CLVS2: variants seen among roughly 807,000 people sequenced by gnomAD.
CLVS2 encodes clavesin-2.
In CLVS2, 19 loss-of-function variants were observed where a neutral mutation model predicts 29.0. That is an observed-to-expected ratio of 0.66 (90% CI 0.46 to 0.96). The LOEUF is 0.96. Ranked by LOEUF, CLVS2 falls within the 40% of genes least tolerant of loss-of-function variation. The pLI, the probability that CLVS2 is intolerant of heterozygous loss-of-function variation, is 0.00. For missense variants in CLVS2, 294 were observed against 404.1 expected (o/e 0.73, Z 2.34); for synonymous variants, 161 against 151.3 (o/e 1.06, Z -0.47).
At position 123,016,021 on chromosome 6, in the gene CLVS2, CTTTTTTTTTTTTT is replaced by C. The variant is rs58103603; in HGVS notation, c.564+4877_564+4889del. 9.8e-5 allele frequency among the ~76,000 whole-genome samples: 5 copies of C among 50,810 alleles called. No homozygotes were observed. In the Admixed American group the frequency reaches 1.1e-3, roughly 11 times the overall value. The allele number at this position is 50,810 out of a possible 152,430, so 33.3% of individuals were successfully genotyped here. A position where few individuals can be genotyped will look rare whatever the true frequency, so the allele number is the denominator to read the frequency against. On this transcript the variant is annotated intron_variant, in intron 3 of 5. Coordinates refer to ENST00000275162, the MANE Select transcript of CLVS2 (RefSeq NM_001010852.4). Reference sequence around the variant, plus strand: ...GTGATAGGTAAGGCACAACATCAGACTTTTTTTTTTTTTTTTTTTTTTTTTTTGTGGAAAGGGA... The same window carrying C: ...GTGATAGGTAAGGCACAACATCAGACTTTTTTTTTTTTTTGTGGAAAGGGA...
intron 3 of CLVS2, among the ~76,000 whole-genome samples, chr6:123,021,880 ACAGTT>A (rs1290348675): frequency 6.6e-6 from 1 of 152,034 alleles, no homozygotes; most frequent in Non-Finnish European, 1.5e-5. Flanking sequence ...CTAGAATAGT[ACAGTT>A]ATTACCTAAA....
chr6:122,999,237 T>C (rs966876255), intron 2 of CLVS2, among the ~76,000 whole-genome samples: 2 of 152,184 alleles, frequency 1.3e-5, no homozygotes, highest in African/African-American at 4.8e-5. Context: ...GTACAAGACA[T>C]TTACAGTTAC....
At chr6:123,029,202 ACCAAAGTAGAAAAGTAATCACT>A (rs1775047400) in intron 3 of CLVS2, among the ~76,000 whole-genome samples, 1 of 152,218 alleles carries the variant, frequency 6.6e-6, no homozygotes, top group African/African-American at 2.4e-5. Context: ...ATACTAAGAT[ACCAAAGTAGAAAAGTAATCACT>A]CCACTTGTGT....
intron 5 of CLVS2, among the ~76,000 whole-genome samples, chr6:123,056,271 G>C (rs139494972): frequency 2.1e-3 from 316 of 152,048 alleles, no homozygotes; most frequent in African/African-American, 7.1e-3. Context: ...TCATATATTT[G>C]AAAACTGTAG....
At chr6:123,041,371 A>T (rs1254733543) in intron 3 of CLVS2, among the ~76,000 whole-genome samples, 1 of 152,192 alleles carries the variant, frequency 6.6e-6, no homozygotes, top group African/African-American at 2.4e-5. Context: ...CAGTTTAAAG[A>T]ACACAATTTT....
At position 123,070,982 on chromosome 6, in the gene CLVS2, A is replaced by G. The variant is rs1227683452; in HGVS notation, c.*7221A>G. The G allele has an allele frequency of 6.6e-6, 1 of 151,954 alleles. No individual in the cohort carries two copies. Among genetic ancestry groups the G allele is most frequent in the Non-Finnish European group, 1.5e-5 (1 of 67,930 alleles). The allele number at this position is 151,954 out of a possible 1,614,324, so 9.4% of individuals were successfully genotyped here. ...TGAGGACTCTCTTTCCTAATTTTAG[A>G]TGAAACAGCCCTGTGGTTCTTCATA... On this transcript the variant is annotated 3_prime_UTR_variant, in exon 6 of 6. Transcript: ENST00000275162.
intron 5 of CLVS2, among the ~76,000 whole-genome samples, chr6:123,062,059 T>C (rs981411478): frequency 6.6e-6 from 1 of 152,170 alleles, no homozygotes; most frequent in African/African-American, 2.4e-5. Context: ...ATGCATGTTG[T>C]ATTCACAATA....
In CLVS2 at chr6:123,071,743, G is replaced by GT. The variant is rs1000584888; in HGVS notation, c.*7983dup. On this transcript the variant is annotated 3_prime_UTR_variant, in exon 6 of 6. Coordinates refer to ENST00000275162, the MANE Select transcript of CLVS2 (RefSeq NM_001010852.4). Reference sequence around the variant, plus strand: ...ATAAAATGAATGAGGAAGTATTTTGGTGTTTCTAAGGTCTTTCCATGATCT... The same window carrying GT: ...ATAAAATGAATGAGGAAGTATTTTGGTTGTTTCTAAGGTCTTTCCATGATCT... The GT allele has an allele frequency of 6.6e-6, 1 of 151,902 alleles. No individual in the cohort carries two copies. The highest frequency in any genetic ancestry group is 2.4e-5 in the African/African-American group (1 of 41,388). 9.4% of individuals were successfully genotyped at this position (151,902 alleles called of 1,614,324 possible). A position where few individuals can be genotyped will look rare whatever the true frequency, so the allele number is the denominator to read the frequency against.
rs1772941760 is a variant in CLVS2 at position 123,071,153 on chromosome 6, G to C, written c.*7392G>C. On this transcript the variant is annotated 3_prime_UTR_variant, in exon 6 of 6. Coordinates refer to ENST00000275162, the MANE Select transcript of CLVS2 (RefSeq NM_001010852.4). ...TTGTCTGTTTACTACTGCATTACTG[G>C]TGCCTTGTACAGTCCCTGGAACTTA... The C allele has an allele frequency of 3.3e-5, 5 of 151,876 alleles. No individual in the cohort carries two copies. The highest frequency in any genetic ancestry group is 3.3e-4 in the Admixed American group (5 of 15,190). The allele number at this position is 151,876 out of a possible 1,614,324, so 9.4% of individuals were successfully genotyped here. A position where few individuals can be genotyped will look rare whatever the true frequency, so the allele number is the denominator to read the frequency against.
chr6:123,020,983 C>T (rs1248043615), intron 3 of CLVS2, among the ~76,000 whole-genome samples: 3 of 151,064 alleles, frequency 2.0e-5, no homozygotes, highest in Admixed American at 2.0e-4. Context: ...TCTTTTCTCT[C>T]TCTTTCTTTT....
At chr6:123,023,607 A>G (rs1774955428) in intron 3 of CLVS2, among the ~76,000 whole-genome samples, 1 of 152,084 alleles carries the variant, frequency 6.6e-6, no homozygotes, top group African/African-American at 2.4e-5. Flanking sequence ...GAAGAAAGAG[A>G]TTTACTTTTT....
rs1220818344 is a variant in CLVS2, at chr6:123,065,878, G to T, written c.*2117G>T. 1 of 151,612 alleles carries T rather than the reference G, an allele frequency of 6.6e-6. No individual in the cohort carries two copies. Among genetic ancestry groups the T allele is most frequent in the Non-Finnish European group, 1.5e-5 (1 of 67,680 alleles). The allele number at this position is 151,612 out of a possible 1,614,324, so 9.4% of individuals were successfully genotyped here. ...GCATTGGCAGCTTCTTTCCCCTATCGTAAAGTTAGTGTCATATATAAAAAT... is the reference window on the plus strand; with the variant it reads ...GCATTGGCAGCTTCTTTCCCCTATCTTAAAGTTAGTGTCATATATAAAAAT... On this transcript the variant is annotated 3_prime_UTR_variant, in exon 6 of 6. Coordinates refer to ENST00000275162, the MANE Select transcript of CLVS2 (RefSeq NM_001010852.4).
At position 123,064,886 on chromosome 6, in the gene CLVS2, A is replaced by G. The variant is rs1180675461; in HGVS notation, c.*1125A>G. 1 of 151,908 alleles carries G rather than the reference A, an allele frequency of 6.6e-6. No individual in the cohort carries two copies. The highest frequency in any genetic ancestry group is 1.5e-5 in the Non-Finnish European group (1 of 67,840). The allele number at this position is 151,908 out of a possible 1,614,324, so 9.4% of individuals were successfully genotyped here. A position where few individuals can be genotyped will look rare whatever the true frequency, so the allele number is the denominator to read the frequency against. On this transcript the variant is annotated 3_prime_UTR_variant, in exon 6 of 6. Coordinates refer to ENST00000275162, the MANE Select transcript of CLVS2 (RefSeq NM_001010852.4). ...ATTTAAAGGAATTCCAAGTTAATTTATAATGCAATCTTACATATGTGCCAT... is the reference window on the plus strand; with the variant it reads ...ATTTAAAGGAATTCCAAGTTAATTTGTAATGCAATCTTACATATGTGCCAT...
At chr6:123,032,609 G>A (rs931534056) in intron 3 of CLVS2, among the ~76,000 whole-genome samples, 3 of 152,022 alleles carry the variant, frequency 2.0e-5, no homozygotes, top group Non-Finnish European at 2.9e-5. Flanking sequence ...TTATAAAAGC[G>A]AGTGTTGGTT....
At chr6:123,002,499 T>G (rs1321036971) in intron 2 of CLVS2, among the ~76,000 whole-genome samples, 1 of 152,016 alleles carries the variant, frequency 6.6e-6, no homozygotes, top group Non-Finnish European at 1.5e-5. Flanking sequence ...GATGATAACT[T>G]ACAATTTAAA....
chr6:123,006,741 G>A (rs1463076938), intron 2 of CLVS2, among the ~76,000 whole-genome samples: 1 of 152,180 alleles, frequency 6.6e-6, no homozygotes, highest in Non-Finnish European at 1.5e-5. Context: ...AGGTGCTGAT[G>A]TTCAGATGGC....
intron 4 of CLVS2, 53 bp from the exon 5 acceptor site, chr6:123,055,753 G>T (rs1772684799): frequency 3.2e-6 from 4 of 1,258,422 alleles, no homozygotes; most frequent in Admixed American, 3.4e-5. Context: ...GATTTAGATG[G>T]TATTTAGTTT....
At chr6:123,018,547 C>G (rs1031603886) in intron 3 of CLVS2, among the ~76,000 whole-genome samples, 4 of 151,798 alleles carry the variant, frequency 2.6e-5, no homozygotes, top group African/African-American at 9.7e-5. Context: ...AATTCTGGTA[C>G]TATATTGCCA....
At chr6:123,057,383 G>GC (rs1772709350) in intron 5 of CLVS2, among the ~76,000 whole-genome samples, 2 of 117,278 alleles carry the variant, frequency 1.7e-5, no homozygotes, top group Non-Finnish European at 3.3e-5. Flanking sequence ...GTCTAGCTCT[G>GC]TCTCCCAGGC....
Sources: gnomAD v4.1 joint callset for allele counts (sites outside exome capture counted in the v4.1 genomes callset) on GRCh38, gnomAD v4.1.1 for gene constraint, MANE v1.5 for transcripts, NCBI Gene and HGNC (gene_info 2026-07-23, HGNC 2026-07-21) for gene names.